Variants in G3BP1 observed in about 807,000 individuals in gnomAD.
The protein encoded by G3BP1 is G3BP stress granule assembly factor 1.
Under a neutral mutation model 58.6 loss-of-function variants are expected in G3BP1, and 35 were observed. The ratio of observed to expected loss-of-function variants is 0.60; its 90% CI spans 0.46 to 0.79. The LOEUF (loss-of-function observed/expected upper bound fraction) is 0.79, where lower values mean the gene tolerates loss of function less well. G3BP1 is among the 30% of genes least tolerant of loss of function. The pLI, the probability that G3BP1 is intolerant of heterozygous loss-of-function variation, is 0.00. For missense variants in G3BP1, 523 were observed against 580.8 expected (o/e 0.90, Z 1.02); for synonymous variants, 191 against 195.4 (o/e 0.98, Z 0.19).
chr5:151,785,365 G>A (rs1762539303), intron 1 of G3BP1, among the ~76,000 whole-genome samples: 1 of 152,202 alleles, frequency 6.6e-6, no homozygotes, highest in African/African-American at 2.4e-5. Context: ...GGAACTAGAT[G>A]AGAGTAAATA....
At chr5:151,777,805 T>A (rs940401731) in intron 1 of G3BP1, among the ~76,000 whole-genome samples, 12 of 152,216 alleles carry the variant, frequency 7.9e-5, no homozygotes, top group Non-Finnish European at 1.5e-4. Flanking sequence ...TTTTCTCATG[T>A]CCCTTTTCCC....
intron 7 of G3BP1, among the ~76,000 whole-genome samples, chr5:151,798,653 A>T (rs1762796088): frequency 6.6e-6 from 1 of 152,186 alleles, no homozygotes; most frequent in South Asian, 2.1e-4. Context: ...TGTTTGATTC[A>T]CAGATTTGAA....
At chr5:151,788,269 CT>C (rs1303272584) in intron 2 of G3BP1, among the ~76,000 whole-genome samples, 3 of 151,980 alleles carry the variant, frequency 2.0e-5, no homozygotes, top group Non-Finnish European at 2.9e-5. Flanking sequence ...TTACAAAAAT[CT>C]TTACTGAAAG....
intron 10 of G3BP1, 121 bp from the exon 11 acceptor site, chr5:151,800,639 T>A: frequency 1.4e-6 from 1 of 692,724 alleles, no homozygotes. Context: ...AGACTAGCTA[T>A]ATTTATAATT....
At chr5:151,792,935 G>C (rs545216126) in intron 4 of G3BP1, among the ~76,000 whole-genome samples, 8 of 152,136 alleles carry the variant, frequency 5.3e-5, no homozygotes, top group African/African-American at 1.9e-4. Flanking sequence ...TTTTTACAGA[G>C]GAGTAACAGC....
At chr5:151,781,528 T>C (rs530727980) in intron 1 of G3BP1, among the ~76,000 whole-genome samples, 5 of 152,336 alleles carry the variant, frequency 3.3e-5, no homozygotes, top group Middle Eastern at 3.4e-3. Context: ...CTGAAAGCCT[T>C]GAATAACACC....
At chr5:151,777,861 T>C (rs530112043) in intron 1 of G3BP1, among the ~76,000 whole-genome samples, 2 of 151,740 alleles carry the variant, frequency 1.3e-5, no homozygotes, top group South Asian at 4.1e-4. Flanking sequence ...AGGAAATCCT[T>C]GATCTTTTTA....
chr5:151,788,572 A>ATATGTGTGTGTGTGTG (rs1554080356), intron 2 of G3BP1, among the ~76,000 whole-genome samples: 1 of 133,238 alleles, frequency 7.5e-6, no homozygotes, highest in African/African-American at 3.0e-5. Context: ...CTAAGTTTAT[A>ATATGTGTGTGTGTGTG]TGTGTGTGTG....
At chr5:151,789,381 G>C (rs1420715050) in intron 2 of G3BP1, among the ~76,000 whole-genome samples, 1 of 151,894 alleles carries the variant, frequency 6.6e-6, no homozygotes, top group African/African-American at 2.4e-5. Context: ...AAAAAAAAAT[G>C]TATTTATCTG....
chr5:151,794,063 C>T, intron 4 of G3BP1, 96 bp from the exon 5 acceptor site: 1 of 739,856 alleles, frequency 1.4e-6, no homozygotes, highest in Non-Finnish European at 2.4e-6. Context: ...CCAGATGTCT[C>T]ATGGAGGCAG....
Position 151,809,504 on chromosome 5 carries a change from T to C in G3BP1, c.*5413T>C, listed in dbSNP as rs948010347. On this transcript the variant is annotated 3_prime_UTR_variant, in exon 12 of 12. Coordinates refer to ENST00000356245, the MANE Select transcript of G3BP1 (RefSeq NM_005754.3). ...TTGTGATTTATATAGAAAATAATTATATTTTTGAGTGAGAAGCATCAGACT... is the reference window on the plus strand; with the variant it reads ...TTGTGATTTATATAGAAAATAATTACATTTTTGAGTGAGAAGCATCAGACT... 2 of 152,224 alleles carry C rather than the reference T, an allele frequency of 1.3e-5. No homozygotes were observed. The highest frequency in any genetic ancestry group is 1.3e-4 in the Admixed American group (2 of 15,288). The allele number at this position is 152,224 out of a possible 1,614,324, so 9.4% of individuals were successfully genotyped here.
At chr5:151,800,964 T>C in intron 11 of G3BP1, 95 bp downstream of exon 11, 1 of 636,872 alleles carries the variant, frequency 1.6e-6, no homozygotes, top group Non-Finnish European at 2.8e-6. Flanking sequence ...TTATGTAAAG[T>C]GCAGTTTATT....
In G3BP1 at chr5:151,799,080, A is replaced by G. The variant is rs908698665; in HGVS notation, c.742-132A>G. 38 of 623,038 alleles carry G rather than the reference A, an allele frequency of 6.1e-5. 1 individual carries two copies. Among genetic ancestry groups the G allele is most frequent in the Middle Eastern group, 8.3e-4 (2 of 2,406 alleles). The allele number at this position is 623,038 out of a possible 1,614,324, so 38.6% of individuals were successfully genotyped here. ...ATAGCTGAAAGAGAAGAATCTTAAT[A>G]TATATATATAAACTCCATCCTGCCT... On this transcript the variant is annotated intron_variant, in intron 7 of 11. Transcript: ENST00000356245.
rs1198180969 is a variant in G3BP1, at chr5:151,806,880, C to G, written c.*2789C>G. 6.6e-6 allele frequency: 1 copy of G among 152,106 alleles called. No individual in the cohort carries two copies. The highest frequency in any genetic ancestry group is 1.5e-5 in the Non-Finnish European group (1 of 68,030). 9.4% of individuals were successfully genotyped at this position (152,106 alleles called of 1,614,324 possible). The stretch of plus-strand genomic sequence containing the variant: ...GCTCCTGGCCTCATCAGTTCTCCTG[C>G]CTTCCAAGTAGCCGGAACTACAGGT... On this transcript the variant is annotated 3_prime_UTR_variant, in exon 12 of 12. Coordinates refer to ENST00000356245, the MANE Select transcript of G3BP1 (RefSeq NM_005754.3).
Position 151,808,295 on chromosome 5 carries a change from T to C in G3BP1, c.*4204T>C, listed in dbSNP as rs1395635174. On this transcript the variant is annotated 3_prime_UTR_variant, in exon 12 of 12. Coordinates refer to ENST00000356245, the MANE Select transcript of G3BP1 (RefSeq NM_005754.3). The stretch of plus-strand genomic sequence containing the variant: ...AAACTTGTTTATATTTACATTCTTA[T>C]TAGTGGATAGATATCACCTCAGTAC... The C allele has an allele frequency of 1.3e-5, 2 of 152,200 alleles. No individual in the cohort carries two copies. The highest frequency in any genetic ancestry group is 2.9e-5 in the Non-Finnish European group (2 of 68,030). 9.4% of individuals were successfully genotyped at this position (152,200 alleles called of 1,614,324 possible). A position where few individuals can be genotyped will look rare whatever the true frequency, so the allele number is the denominator to read the frequency against.
chr5:151,789,920 A>G (rs1339598679), intron 2 of G3BP1, among the ~76,000 whole-genome samples: 1 of 152,148 alleles, frequency 6.6e-6, no homozygotes, highest in South Asian at 2.1e-4. Flanking sequence ...CACACCTACA[A>G]TTCCAGCACT....
At position 151,790,977 on chromosome 5, in the gene G3BP1, G is replaced by T. The variant is rs1244530186; in HGVS notation, c.266G>T (p.Gly89Val). 2 of 1,612,930 alleles carry T rather than the reference G, an allele frequency of 1.2e-6. No individual in the cohort carries two copies. The highest frequency in any genetic ancestry group is 3.3e-5 in the Admixed American group (2 of 59,994). Residue 89 changes from glycine to valine, a missense_variant, in exon 4 of 12, where the codon GGT becomes GTT. Gly to Val is a moderately radical substitution (Grantham distance 109, BLOSUM62 -3). Transcript: ENST00000356245. ...GATGCTCATGCCACGCTAAATGATG[G>T]TGTGGTAGTCCAGGTGATGGGGCTT... ...HVDAHATLNDGVVVQVMGLLS... is the reference protein window; with the variant it reads ...HVDAHATLNDVVVVQVMGLLS...
chr5:151,788,678 G>A (rs113176775), intron 2 of G3BP1, among the ~76,000 whole-genome samples: 1 of 151,014 alleles, frequency 6.6e-6, no homozygotes, highest in African/African-American at 2.4e-5. Flanking sequence ...GAATGCAGTG[G>A]TGAGAGCTCA....
intron 6 of G3BP1, 60 bp downstream of exon 6, chr5:151,795,635 C>T: frequency 1.3e-6 from 1 of 777,776 alleles, no homozygotes; most frequent in East Asian, 2.6e-5. Context: ...TCTAGTCTTT[C>T]CCTTTGTTGG....
Sources: gnomAD v4.1 joint callset for allele counts (sites outside exome capture counted in the v4.1 genomes callset) on GRCh38, gnomAD v4.1.1 for gene constraint, MANE v1.5 for transcripts, NCBI Gene and HGNC (gene_info 2026-07-23, HGNC 2026-07-21) for gene names.